The following NR4A1 variants were observed in gnomAD, a reference collection of about 807,000 sequenced individuals.
The protein encoded by NR4A1 is nuclear receptor subfamily 4 group A member 1.
Under a neutral mutation model 47.5 loss-of-function variants are expected in NR4A1, and 24 were observed. The ratio of observed to expected loss-of-function variants is 0.50; its 90% CI spans 0.37 to 0.71. The LOEUF (loss-of-function observed/expected upper bound fraction) is 0.71, where lower values mean the gene tolerates loss of function less well. Ranked by LOEUF, NR4A1 falls within the 30% of genes least tolerant of loss-of-function variation. The probability of loss-of-function intolerance (pLI) is 0.00; values close to 1 mark genes in which losing one functional copy is unlikely to be tolerated. For missense variants in NR4A1, 669 were observed against 788.6 expected (o/e 0.85, Z 1.82); for synonymous variants, 353 against 345.7 (o/e 1.02, Z -0.24).
chr12:52,048,553 C>A (rs1015112389), upstream of NR4A1, among the ~76,000 whole-genome samples: 1 of 152,164 alleles, frequency 6.6e-6, no homozygotes, highest in Non-Finnish European at 1.5e-5. Context: ...GAGATAGTGC[C>A]ACTGCACTCC....
rs1938312748 is a variant in NR4A1 at position 52,038,215 on chromosome 12, C to T, written c.-83-3595C>T. ...GAGTAGCTGGGACTACAGGCACCCA[C>T]CACCACGCCCGGCTAATTTTTGTAT... On this transcript the variant is annotated intron_variant, in intron 1 of 7. Transcript: ENST00000360284. The T allele has an allele frequency of 2.6e-5, 8 of 311,048 alleles. 1 individual carries two copies. In the South Asian group the frequency reaches 6.7e-4, roughly 26 times the overall value. The allele number at this position is 311,048 out of a possible 1,614,324, so 19.3% of individuals were successfully genotyped here. A position where few individuals can be genotyped will look rare whatever the true frequency, so the allele number is the denominator to read the frequency against.
chr12:52,046,710 A>C (rs1164272632), upstream of NR4A1, among the ~76,000 whole-genome samples: 1 of 152,228 alleles, frequency 6.6e-6, no homozygotes, highest in Admixed American at 6.5e-5. Flanking sequence ...TGGGCCGGGC[A>C]CGGTGACTCA....
intron 1 of NR4A1, chr12:52,037,426 C>A: frequency 2.0e-6 from 2 of 983,904 alleles, no homozygotes; most frequent in Non-Finnish European, 2.4e-6. Flanking sequence ...GAGAGGCGAG[C>A]GGAGCCCGCG....
In NR4A1 at chr12:52,057,333, G is replaced by C. The variant is rs574346728; in HGVS notation, c.1362-19G>C. On this transcript the variant is annotated intron_variant, in intron 5 of 6. Coordinates refer to ENST00000394825, the MANE Select transcript of NR4A1 (RefSeq NM_173157.3). ...CTGTGAACCACCCTGATCGCTCTTCGTGCCCATCTGCCTGCCAGGTCTAAG... is the reference window on the plus strand; with the variant it reads ...CTGTGAACCACCCTGATCGCTCTTCCTGCCCATCTGCCTGCCAGGTCTAAG... 7 of 1,613,874 alleles carry C rather than the reference G, an allele frequency of 4.3e-6. No individual in the cohort carries two copies. The highest frequency in any genetic ancestry group is 4.2e-6 in the Non-Finnish European group (5 of 1,179,986).
At chr12:52,046,019 C>T (rs1938619874) in intron 2 of NR4A1, among the ~76,000 whole-genome samples, 1 of 152,220 alleles carries the variant, frequency 6.6e-6, no homozygotes. Flanking sequence ...CCCAGGGCCA[C>T]TTCTGAGCTG....
chr12:52,058,936 C>T lies in NR4A1; in HGVS notation c.1789C>T (p.Pro597Ser). 3 of 1,609,844 alleles carry T rather than the reference C, an allele frequency of 1.9e-6. No homozygotes were observed. Among genetic ancestry groups the T allele is most frequent in the South Asian group, 2.2e-5 (2 of 90,912 alleles). Residue 597 changes from proline to serine, a missense_variant, in exon 7 of 7, where the codon CCC becomes TCC. Coordinates refer to ENST00000394825, the MANE Select transcript of NR4A1 (RefSeq NM_173157.3). ...TGACAAGATCTTCATGGACACGCTG[C>T]CCTTCTGACCCCTGCCTGGGAACAC... Reference protein sequence around the residue: ...IIDKIFMDTLPF With the variant: ...IIDKIFMDTLSF
intron 2 of NR4A1, chr12:52,055,766 C>G (rs1374616015): frequency 5.8e-6 from 2 of 345,112 alleles, no homozygotes; most frequent in African/African-American, 4.3e-5. Context: ...GGTGTCTAGA[C>G]TGCCAGGGAG....
chr12:52,056,231 G>C, intron 3 of NR4A1, 72 bp downstream of exon 3: 1 of 1,514,914 alleles, frequency 6.6e-7, no homozygotes, highest in Non-Finnish European at 8.8e-7. Flanking sequence ...GGGCCCCCAG[G>C]CTTCTGCCCT....
At chr12:52,047,677 G>C (rs1938707232), upstream of NR4A1, among the ~76,000 whole-genome samples, 3 of 152,214 alleles carry the variant, frequency 2.0e-5, no homozygotes, top group African/African-American at 7.2e-5. Flanking sequence ...TGCAGGCCCA[G>C]ATCTGGAGGC....
intron 2 of NR4A1, chr12:52,055,558 C>G (rs537359479): frequency 7.7e-6 from 4 of 520,850 alleles, no homozygotes; most frequent in African/African-American, 5.8e-5. Flanking sequence ...CCCAGGCTCT[C>G]ATGTTCCTGG....
intron 1 of NR4A1, among the ~76,000 whole-genome samples, chr12:52,036,326 T>TGGGCTTCCCA (rs1565640424): frequency 6.6e-6 from 1 of 151,696 alleles, no homozygotes; most frequent in Admixed American, 6.6e-5. Flanking sequence ...CAGAGGAGGG[T>TGGGCTTCCCA]GGGCTTCCCA....
At chr12:52,033,801 G>A (rs1278547111) in intron 1 of NR4A1, among the ~76,000 whole-genome samples, 1 of 152,188 alleles carries the variant, frequency 6.6e-6, no homozygotes, top group Non-Finnish European at 1.5e-5. Context: ...GGTAGTTCTT[G>A]ATCCTCAAGA....
intron 2 of NR4A1, among the ~76,000 whole-genome samples, chr12:52,044,457 C>T (rs972395333): frequency 2.6e-5 from 4 of 152,296 alleles, no homozygotes; most frequent in African/African-American, 4.8e-5. Context: ...GCCACAAACA[C>T]GCTCCGGGAC....
chr12:52,033,101 G>A (rs1290367752), intron 1 of NR4A1, among the ~76,000 whole-genome samples: 1 of 152,218 alleles, frequency 6.6e-6, no homozygotes, highest in Non-Finnish European at 1.5e-5. Context: ...GCCGGGTGAG[G>A]TAATGGAATC....
intron 2 of NR4A1, 161 bp from the exon 3 acceptor site, chr12:52,055,869 C>G: frequency 2.1e-6 from 1 of 468,324 alleles, no homozygotes; most frequent in South Asian, 4.0e-5. Flanking sequence ...CCGCCCAACC[C>G]CGTCTCTCCC....
chr12:52,028,302 G>A (rs557491524), intron 1 of NR4A1, among the ~76,000 whole-genome samples: 1,742 of 151,858 alleles, frequency 0.011, 15 homozygotes, highest in Non-Finnish European at 0.015. Context: ...GGGGCCGGGA[G>A]CAGTGGCTCA....
chr12:52,058,943 G>C lies in NR4A1; in HGVS notation c.1796G>C (p.Ter599SerextTer33), dbSNP rs775190962. The C allele has an allele frequency of 6.2e-7, 1 of 1,608,922 alleles. No homozygotes were observed. Among genetic ancestry groups the C allele is most frequent in the South Asian group, 1.1e-5 (1 of 90,892 alleles). The change falls in exon 7 of 7, where the codon TGA becomes TCA. Residue 599 changes from the stop codon to serine, a stop_lost. Coordinates refer to ENST00000394825, the MANE Select transcript of NR4A1 (RefSeq NM_173157.3). ...DKIFMDTLPF* is the reference protein window; with the variant it reads ...DKIFMDTLPFS ...ATCTTCATGGACACGCTGCCCTTCT[G>C]ACCCCTGCCTGGGAACACGTGTGCA...
chr12:52,045,509 C>T (rs1212761710), intron 2 of NR4A1: 6 of 452,496 alleles, frequency 1.3e-5, no homozygotes, highest in Non-Finnish European at 2.7e-5. Flanking sequence ...GAGCCCAGGC[C>T]CCAGGCAGTG....
intron 1 of NR4A1, among the ~76,000 whole-genome samples, chr12:52,028,988 C>T (rs564238018): frequency 4.6e-5 from 7 of 152,328 alleles, no homozygotes; most frequent in African/African-American, 1.7e-4. Context: ...AATTATCTCT[C>T]TAGTATTCCC....
Sources: gnomAD v4.1 joint callset for allele counts (sites outside exome capture counted in the v4.1 genomes callset) on GRCh38, gnomAD v4.1.1 for gene constraint, MANE v1.5 for transcripts, NCBI Gene and HGNC (gene_info 2026-07-23, HGNC 2026-07-21) for gene names.